Variants in TKT observed in about 807,000 individuals in gnomAD.
The protein encoded by TKT is transketolase.
Under a neutral mutation model 63.9 loss-of-function variants are expected in TKT, and 47 were observed. That is an observed-to-expected ratio of 0.74 (90% confidence interval 0.58 to 0.94). TKT has a LOEUF of 0.94. Ranked by LOEUF, TKT falls within the 40% of genes least tolerant of loss-of-function variation. The pLI, the probability that TKT is intolerant of heterozygous loss-of-function variation, is 0.00. For synonymous variants in TKT, 338 were observed against 334.1 expected (o/e 1.01, Z -0.13); for missense variants, 721 against 846.2 (o/e 0.85, Z 1.84).
At chr3:53,242,554 C>T (rs1705327540) in intron 1 of TKT, among the ~76,000 whole-genome samples, 1 of 152,120 alleles carries the variant, frequency 6.6e-6, no homozygotes, top group African/African-American at 2.4e-5. Context: ...AAGGAGGGGC[C>T]CAGGAGAGAT....
intron 12 of TKT, 65 bp downstream of exon 12, chr3:53,227,991 A>C: frequency 7.2e-7 from 1 of 1,393,018 alleles, no homozygotes; most frequent in Non-Finnish European, 1.0e-6. Flanking sequence ...AACGAAAGAA[A>C]GAACCCCAAG....
In TKT at chr3:53,229,512, G is replaced by C. The variant is rs1028943704; in HGVS notation, c.1108-76C>G. The C allele has an allele frequency of 3.4e-6, 5 of 1,472,232 alleles. No individual in the cohort carries two copies. In the African/African-American group the frequency reaches 7.0e-5, roughly 21 times the overall value. The allele number at this position is 1,472,232 out of a possible 1,614,324, so 91.2% of individuals were successfully genotyped here. A position where few individuals can be genotyped will look rare whatever the true frequency, so the allele number is the denominator to read the frequency against. On this transcript the variant is annotated intron_variant, in intron 8 of 13. Transcript: ENST00000462138. Reference sequence around the variant, plus strand: ...CGGGGAGCCTAGGACCCCTTTTGTGGAGAAAGCCACAATTTGTATATAGAT... The same window carrying C: ...CGGGGAGCCTAGGACCCCTTTTGTGCAGAAAGCCACAATTTGTATATAGAT...
At chr3:53,235,947 G>C (rs1705009932) in intron 4 of TKT, among the ~76,000 whole-genome samples, 1 of 32,484 alleles carries the variant, frequency 3.1e-5, no homozygotes, top group African/African-American at 6.4e-5. Flanking sequence ...TCCCGGCCTG[G>C]GAGATGTGAG....
At position 53,233,268 on chromosome 3, in the gene TKT, A is replaced by G. The variant is rs1353326774; in HGVS notation, c.636T>C (p.His212=). Residue 212 remains histidine (H), a synonymous_variant, in exon 6 of 14, where the codon CAT becomes CAC. Transcript: ENST00000462138. ...YQKRCEAFGW[H]AIIVDGHSVE... ...CGCTGTGTCCATCCACGATGATGGC[A>G]TGCCAACTGGGGACAGGGGGCAGAG... is the stretch of plus-strand genomic sequence containing the variant. 1.2e-6 allele frequency: 2 copies of G among 1,610,556 alleles called. No homozygotes were observed. The highest frequency in any genetic ancestry group is 4.5e-5 in the East Asian group (2 of 44,646).
chr3:53,241,344 C>G, intron 2 of TKT, 99 bp from the exon 3 acceptor site: 1 of 960,796 alleles, frequency 1.0e-6, no homozygotes, highest in South Asian at 1.6e-5. Context: ...GCCGAGCCGG[C>G]CAACTGCAGC....
chr3:53,229,317 G>A lies in TKT; in HGVS notation c.1227C>T (p.Asn409=), dbSNP rs34601275. The A allele has an allele frequency of 1.4e-3, 2,322 of 1,614,066 alleles. 23 individuals carry two copies. The African/African-American group carries it at 0.025, about 18-fold the overall frequency. ...QIRMAAISES[N]INLCGSHCGV... Reference sequence around the variant, plus strand: ...CGCAGTGGGAGCCGCAGAGGTTGATGTTGCTCTCGGAGATGGCGGCCATGC... The same window carrying A: ...CGCAGTGGGAGCCGCAGAGGTTGATATTGCTCTCGGAGATGGCGGCCATGC... The change falls in exon 9 of 14, where the codon AAC becomes AAT. Residue 409 remains asparagine (N), a synonymous_variant. Transcript: ENST00000462138.
In TKT at chr3:53,228,089, C is replaced by T. The variant is rs762983878; in HGVS notation, c.1540G>A (p.Glu514Lys). ...TVIGAGVTLH[E>K]ALAAAELLKK... Reference sequence around the variant, plus strand: ...AGCAGTTCGGCAGCGGCCAAGGCCTCGTGCAGGGTCACCCCAGCCCCGATA... The same window carrying T: ...AGCAGTTCGGCAGCGGCCAAGGCCTTGTGCAGGGTCACCCCAGCCCCGATA... The change falls in exon 12 of 14, where the codon GAG (glutamate) becomes AAG (lysine). Residue 514 changes from glutamate (E) to lysine (K), a missense_variant. Transcript: ENST00000462138. 2.5e-6 allele frequency: 4 copies of T among 1,613,300 alleles called. No individual in the cohort carries two copies. Among genetic ancestry groups the T allele is most frequent in the Non-Finnish European group, 2.5e-6 (3 of 1,180,014 alleles).
rs1553677059 is a variant in TKT at position 53,231,499 on chromosome 3, G to C, written c.800C>G (p.Ala267Gly). The C allele has an allele frequency of 6.2e-7, 1 of 1,614,054 alleles. No homozygotes were observed. Among genetic ancestry groups the C allele is most frequent in the Non-Finnish European group, 8.5e-7 (1 of 1,179,990 alleles). ...GTAGATCTCCTGGATGATCTGCTCA[G>C]CCATGTTTTTGGGGAGGGGCTTCCC... ...WHGKPLPKNM[A>G]EQIIQEIYSQ... Residue 267 changes from alanine to glycine, a missense_variant, in exon 7 of 14, where the codon GCT becomes GGT. Transcript: ENST00000462138.
chr3:53,244,090 C>T (rs1327685145), intron 1 of TKT, among the ~76,000 whole-genome samples: 5 of 152,210 alleles, frequency 3.3e-5, no homozygotes, highest in Admixed American at 6.5e-5. Context: ...AGGTCAGCTG[C>T]GAGGTGACCA....
intron 1 of TKT, among the ~76,000 whole-genome samples, chr3:53,244,294 T>C (rs1168917856): frequency 1.3e-5 from 2 of 152,178 alleles, no homozygotes; most frequent in Non-Finnish European, 2.9e-5. Flanking sequence ...GGGCTCTCCC[T>C]CGGCAGAGCA....
At chr3:53,242,064 G>A (rs1464315888) in intron 2 of TKT, 61 bp downstream of exon 2, 9 of 1,508,858 alleles carry the variant, frequency 6.0e-6, no homozygotes, top group South Asian at 4.5e-5. Context: ...CACCATTCCA[G>A]GGCCCGTGTG....
In TKT at chr3:53,225,832, GCCGGCTTCCCA is replaced by G. The variant is rs1559643640; in HGVS notation, c.1785_1795del (p.Gly596Ter). ...GATACCAAACATCTTCAGCAGCTCA[GCCGGCTTCCCA>G]CTTCTTGGTACCCGGTTAACTGCCA... On this transcript the variant is annotated frameshift_variant, in exon 14 of 14. Coordinates refer to ENST00000462138, the MANE Select transcript of TKT (RefSeq NM_001064.4). LOFTEE classifies it high-confidence loss of function. 1.2e-6 allele frequency: 2 copies of G among 1,613,980 alleles called. No homozygotes were observed. Among genetic ancestry groups the G allele is most frequent in the Non-Finnish European group, 1.7e-6 (2 of 1,180,012 alleles).
chr3:53,227,212 G>T, intron 12 of TKT: 1 of 224,416 alleles, frequency 4.5e-6, no homozygotes, highest in Non-Finnish European at 9.0e-6. Context: ...TGTCTGGCCT[G>T]ATGGAAGGTG....
At chr3:53,235,531 C>T (rs1464782064) in intron 4 of TKT, 4 of 171,026 alleles carry the variant, frequency 2.3e-5, no homozygotes, top group Non-Finnish European at 5.0e-5. Context: ...GCTTGAGCCA[C>T]CTGCTGCAGG....
intron 4 of TKT, among the ~76,000 whole-genome samples, chr3:53,236,619 G>A (rs1308454952): frequency 3.3e-5 from 5 of 152,224 alleles, no homozygotes; most frequent in Non-Finnish European, 7.3e-5. Flanking sequence ...TGATGGGGCT[G>A]AGCCAGAGAA....
At position 53,229,437 on chromosome 3, in the gene TKT, C is replaced by G. The variant is rs1317365843; in HGVS notation, c.1108-1G>C. 6.2e-7 allele frequency: 1 copy of G among 1,602,656 alleles called. No homozygotes were observed. The highest frequency in any genetic ancestry group is 8.5e-7 in the Non-Finnish European group (1 of 1,174,898). The stretch of plus-strand genomic sequence containing the variant: ...TGGCACAGCCCACCGCGATGCTCAC[C>G]TGGGGGCAGGTGGGACAGGGTCAGC... On this transcript the variant is annotated splice_acceptor_variant, in intron 8 of 13. Coordinates refer to ENST00000462138, the MANE Select transcript of TKT (RefSeq NM_001064.4). LOFTEE classifies it high-confidence loss of function.
Position 53,255,989 on chromosome 3 carries a change from G to C in TKT, c.-47C>G. 7.4e-7 allele frequency: 1 copy of C among 1,355,840 alleles called. No homozygotes were observed. The highest frequency in any genetic ancestry group is 9.8e-7 in the Non-Finnish European group (1 of 1,018,404). The allele number at this position is 1,355,840 out of a possible 1,614,324, so 84.0% of individuals were successfully genotyped here. On this transcript the variant is annotated 5_prime_UTR_variant, in exon 1 of 14. Transcript: ENST00000462138. ...GCGCACACGCGGACACACAGAGATA[G>C]CGGCTGCTCCCGCGGCGACAGGCGG...
chr3:53,242,568 G>C (rs1553680141), intron 1 of TKT, among the ~76,000 whole-genome samples: 1 of 152,148 alleles, frequency 6.6e-6, no homozygotes, highest in Non-Finnish European at 1.5e-5. Context: ...GAGAGATCTA[G>C]CACAGAAGAC....
At chr3:53,244,102 G>C (rs1159222928) in intron 1 of TKT, among the ~76,000 whole-genome samples, 1 of 152,238 alleles carries the variant, frequency 6.6e-6, no homozygotes, top group East Asian at 1.9e-4. Flanking sequence ...AGGTGACCAA[G>C]GGTGAGAAGT....
Sources: gnomAD v4.1 joint callset for allele counts (sites outside exome capture counted in the v4.1 genomes callset) on GRCh38, gnomAD v4.1.1 for gene constraint, MANE v1.5 for transcripts, NCBI Gene and HGNC (gene_info 2026-07-23, HGNC 2026-07-21) for gene names.